Variants in NRG3 observed in about 807,000 individuals in gnomAD.
NRG3 encodes neuregulin 3, also known as pro-neuregulin-3, membrane-bound isoform.
Under a neutral mutation model 66.9 loss-of-function variants are expected in NRG3, and 31 were observed. The ratio of observed to expected loss-of-function variants is 0.46; its 90% CI spans 0.35 to 0.63. NRG3 has a LOEUF of 0.63. Ranked by LOEUF, NRG3 falls within the 20% of genes least tolerant of loss-of-function variation. The pLI is 0.00. For synonymous variants in NRG3, 393 were observed against 359.4 expected (o/e 1.09, Z -1.06); for missense variants, 910 against 878.9 (o/e 1.04, Z -0.45).
At chr10:82,430,941 G>T (rs758214821) in intron 2 of NRG3, among the ~76,000 whole-genome samples, 2 of 152,142 alleles carry the variant, frequency 1.3e-5, no homozygotes, top group Non-Finnish European at 2.9e-5. Flanking sequence ...GTCAGTGTGA[G>T]ATGTTATGAC....
intron 1 of NRG3, among the ~76,000 whole-genome samples, chr10:82,251,439 C>A (rs2077482950): frequency 6.6e-6 from 1 of 152,144 alleles, no homozygotes; most frequent in African/African-American, 2.4e-5. Context: ...GCTTTTCATG[C>A]AGCTCTGACT....
chr10:81,974,666 A>G (rs1256355394), intron 1 of NRG3, among the ~76,000 whole-genome samples: 1 of 152,112 alleles, frequency 6.6e-6, no homozygotes, highest in Non-Finnish European at 1.5e-5. Flanking sequence ...CATATTCACA[A>G]ATTATGTCAT....
At chr10:82,024,408 A>G (rs2062201867) in intron 1 of NRG3, among the ~76,000 whole-genome samples, 1 of 151,968 alleles carries the variant, frequency 6.6e-6, no homozygotes, top group African/African-American at 2.4e-5. Context: ...ACAGTGGGTT[A>G]AAGAAAATAT....
rs1019828062 is a variant in NRG3, at chr10:82,929,151, G to A, written c.1055-22318G>A. On this transcript the variant is annotated intron_variant, in intron 4 of 8. Coordinates refer to ENST00000372141, the MANE Select transcript of NRG3 (RefSeq NM_001010848.4). ...ACACAAAGCACACATATCTGCTTAGGTACAGACATTTGCTGAATCCGAATT... is the reference window on the plus strand; with the variant it reads ...ACACAAAGCACACATATCTGCTTAGATACAGACATTTGCTGAATCCGAATT... 2.6e-5 allele frequency among the ~76,000 whole-genome samples: 4 copies of A among 152,150 alleles called. 1 individual carries two copies. Among genetic ancestry groups the A allele is most frequent in the African/African-American group, 9.7e-5 (4 of 41,448 alleles).
intron 2 of NRG3, among the ~76,000 whole-genome samples, chr10:82,660,476 G>T (rs2052268817): frequency 6.6e-6 from 1 of 152,050 alleles, no homozygotes; most frequent in Admixed American, 6.6e-5. Flanking sequence ...TGTTTTCTTA[G>T]GAAAGTTTGG....
chr10:82,650,909 C>T (rs1311550298), intron 2 of NRG3, among the ~76,000 whole-genome samples: 1 of 152,174 alleles, frequency 6.6e-6, no homozygotes, highest in Non-Finnish European at 1.5e-5. Flanking sequence ...TTTTACATTT[C>T]ATCAAGTGAT....
intron 1 of NRG3, among the ~76,000 whole-genome samples, chr10:82,081,034 A>T (rs1190487082): frequency 6.6e-6 from 1 of 151,064 alleles, no homozygotes; most frequent in Non-Finnish European, 1.5e-5. Context: ...CGTCACTGCA[A>T]TATTATTTTT....
chr10:82,410,164 G>A (rs1002445227), intron 2 of NRG3, among the ~76,000 whole-genome samples: 1 of 152,080 alleles, frequency 6.6e-6, no homozygotes, highest in African/African-American at 2.4e-5. Flanking sequence ...TAAAGATGAT[G>A]ACTGCTACAG....
At chr10:82,421,273 C>T (rs1467345605) in intron 2 of NRG3, among the ~76,000 whole-genome samples, 1 of 152,008 alleles carries the variant, frequency 6.6e-6, no homozygotes, top group Admixed American at 6.6e-5. Flanking sequence ...ATTCATCATG[C>T]TTTTGATCTT....
chr10:82,261,328 CCT>C (rs1278870995), intron 1 of NRG3, among the ~76,000 whole-genome samples: 1 of 152,136 alleles, frequency 6.6e-6, no homozygotes, highest in East Asian at 1.9e-4. Context: ...GCCTGCTTCC[CCT>C]TCTGCCATGA....
intron 1 of NRG3, among the ~76,000 whole-genome samples, chr10:81,925,008 C>T (rs1846633555): frequency 6.6e-6 from 1 of 152,132 alleles, no homozygotes; most frequent in Non-Finnish European, 1.5e-5. Flanking sequence ...CAGTCCTATG[C>T]TCTGTGTGTT....
intron 2 of NRG3, among the ~76,000 whole-genome samples, chr10:82,492,690 A>G (rs536572188): frequency 1.3e-5 from 2 of 152,342 alleles, no homozygotes; most frequent in Middle Eastern, 3.4e-3. Context: ...CATTGCACCA[A>G]ATTGGGCAGA....
intron 4 of NRG3, among the ~76,000 whole-genome samples, chr10:82,872,409 C>A (rs1841422018): frequency 6.6e-6 from 1 of 152,108 alleles, no homozygotes; most frequent in Admixed American, 6.6e-5. Flanking sequence ...AAGCACACGT[C>A]TTCTTCCCAA....
In NRG3 at chr10:82,699,837, T is replaced by G. The variant is rs562946676; in HGVS notation, c.954-38740T>G. On this transcript the variant is annotated intron_variant, in intron 2 of 8. Transcript: ENST00000372141. ...TAAACATTTTCTGATTTTCAAAACA[T>G]TTGTGCATATATGGATGATCTGTGT... Among the ~76,000 whole-genome samples, 6 of 149,014 alleles carry G rather than the reference T, an allele frequency of 4.0e-5. 1 individual carries two copies. Among genetic ancestry groups the G allele is most frequent in the African/African-American group, 1.5e-4 (6 of 39,498 alleles).
chr10:82,346,948 TTCTC>T (rs2083068599), intron 1 of NRG3, among the ~76,000 whole-genome samples: 1 of 152,138 alleles, frequency 6.6e-6, no homozygotes, highest in Non-Finnish European at 1.5e-5. Flanking sequence ...TATTTGATTC[TTCTC>T]TCTTTTTTTC....
chr10:82,719,091 T>G (rs1247948679), intron 2 of NRG3, among the ~76,000 whole-genome samples: 1 of 152,028 alleles, frequency 6.6e-6, no homozygotes, highest in African/African-American at 2.4e-5. Flanking sequence ...AGGAAATGAG[T>G]GCCCAGAGGG....
chr10:81,881,646 G>T (rs1347104631), intron 1 of NRG3, among the ~76,000 whole-genome samples: 2 of 152,088 alleles, frequency 1.3e-5, no homozygotes, highest in Non-Finnish European at 2.9e-5. Context: ...TTAAGTAATT[G>T]GTTGACTCCG....
chr10:82,372,656 C>T (rs2084959525), intron 2 of NRG3, among the ~76,000 whole-genome samples: 1 of 152,196 alleles, frequency 6.6e-6, no homozygotes, highest in African/African-American at 2.4e-5. Context: ...TACAGTGGGG[C>T]AATTTTGGCT....
chr10:81,997,867 CT>C (rs58891996), intron 1 of NRG3, among the ~76,000 whole-genome samples: 50,800 of 140,526 alleles, frequency 0.36, 10,034 homozygotes, highest in East Asian at 0.76. Flanking sequence ...AAAGGCCCAA[CT>C]TTTTTTTTTT....
Sources: allele counts gnomAD v4.1 joint callset (sites outside exome capture counted in the v4.1 genomes callset), GRCh38; gene constraint gnomAD v4.1.1; transcripts MANE v1.5; gene names NCBI Gene and HGNC (gene_info 2026-07-23, HGNC 2026-07-21).